The following SCNM1 variants were observed in gnomAD, a reference collection of about 807,000 sequenced individuals.
The protein encoded by SCNM1 is sodium channel modifier 1.
In SCNM1, 24 loss-of-function variants were observed where a neutral mutation model predicts 32.8. That is an observed-to-expected ratio of 0.73 (90% CI 0.53 to 1.03). The LOEUF (loss-of-function observed/expected upper bound fraction) is 1.03. SCNM1 is among the 50% of genes least tolerant of loss of function. The pLI is 0.00. For synonymous variants in SCNM1, 99 were observed against 103.2 expected (o/e 0.96, Z 0.25); for missense variants, 274 against 282.3 (o/e 0.97, Z 0.21).
intron 2 of SCNM1, 144 bp from the exon 3 acceptor site, chr1:151,166,790 C>A (rs1683725874): frequency 7.5e-7 from 1 of 1,334,290 alleles, no homozygotes. Context: ...TCTTTGGCGG[C>A]CAGTGAGGAC....
Position 151,166,928 on chromosome 1 carries a change from G to A in SCNM1, c.123-6G>A. The A allele has an allele frequency of 6.2e-7, 1 of 1,614,006 alleles. No individual in the cohort carries two copies. Among genetic ancestry groups the A allele is most frequent in the Non-Finnish European group, 8.5e-7 (1 of 1,180,000 alleles). ...ACCACTTATCCTCTTCTCTACCCCTGCTCAGCTTTGCTTGTGCCATCTGCC... is the reference window on the plus strand; with the variant it reads ...ACCACTTATCCTCTTCTCTACCCCTACTCAGCTTTGCTTGTGCCATCTGCC... On this transcript the variant is annotated splice_polypyrimidine_tract_variant and splice_region_variant and intron_variant, in intron 2 of 6. Coordinates refer to ENST00000368905, the MANE Select transcript of SCNM1 (RefSeq NM_024041.4).
At position 151,166,182 on chromosome 1, in the gene SCNM1, G is replaced by A. The variant is rs760321684; in HGVS notation, c.30G>A (p.Trp10Ter). The A allele has an allele frequency of 3.7e-6, 6 of 1,605,790 alleles. No homozygotes were observed. Among genetic ancestry groups the A allele is most frequent in the South Asian group, 1.1e-5 (1 of 89,528 alleles). Reference protein sequence around the residue: MSFKREGDDWSQLNVLKKRR... With the variant: MSFKREGDD ...CTTTCAAGAGGGAAGGAGACGATTG[G>A]AGTCAACTCAATGTGCTCAAAGTAA... Residue 10 changes from tryptophan (W) to a stop codon, truncating the protein, a stop_gained, in exon 1 of 7, where the codon TGG becomes TGA. Transcript: ENST00000368905. LOFTEE classifies it high-confidence loss of function.
chr1:151,166,724 A>G, intron 2 of SCNM1, 183 bp downstream of exon 2: 1 of 1,239,012 alleles, frequency 8.1e-7, no homozygotes. Flanking sequence ...GCATGCCACC[A>G]CGCCTGGCTT....
At chr1:151,168,533 C>T (rs960211754) in intron 6 of SCNM1, among the ~76,000 whole-genome samples, 195 bp downstream of exon 6, 11 of 152,108 alleles carry the variant, frequency 7.2e-5, no homozygotes, top group African/African-American at 1.9e-4. Context: ...CTCAGGCTCC[C>T]GAGTAGCTGG....
chr1:151,168,003 T>C (rs1048518980), intron 5 of SCNM1, 141 bp from the exon 6 acceptor site: 4 of 985,312 alleles, frequency 4.1e-6, no homozygotes, highest in Middle Eastern at 3.6e-4. Context: ...CCCAAATTCA[T>C]GATTCTGAAA....
rs1683754294 is a variant in SCNM1 at position 151,167,341 on chromosome 1, C to T, written c.325C>T (p.Gln109Ter). The change falls in exon 5 of 7, where the codon CAG (glutamine) becomes TAG (stop). Residue 109 changes from glutamine to a stop codon, truncating the protein, a stop_gained. Coordinates refer to ENST00000368905, the MANE Select transcript of SCNM1 (RefSeq NM_024041.4). LOFTEE classifies it high-confidence loss of function. ...ETKAEAPLLTQTRLITQSALH... is the reference protein window; with the variant it reads ...ETKAEAPLLT ...TCCTTACCAGGCTCCTCTGCTAACT[C>T]AGACACGACTTATCACCCAGAGTGC... The T allele has an allele frequency of 3.7e-6, 6 of 1,614,136 alleles. No homozygotes were observed. The highest frequency in any genetic ancestry group is 5.1e-6 in the Non-Finnish European group (6 of 1,180,024).
At chr1:151,168,018 T>C in intron 5 of SCNM1, 126 bp from the exon 6 acceptor site, 1 of 1,083,132 alleles carries the variant, frequency 9.2e-7, no homozygotes, top group Non-Finnish European at 1.3e-6. Flanking sequence ...CTGAAATCCT[T>C]TGTATGCAGA....
intron 5 of SCNM1, chr1:151,167,709 G>A (rs749365524): frequency 1.0e-5 from 4 of 396,438 alleles, no homozygotes; most frequent in Non-Finnish European, 1.9e-5. Context: ...GTGTGTGCCT[G>A]TAATCCCAGC....
chr1:151,168,619 G>C (rs1210687481), intron 6 of SCNM1, among the ~76,000 whole-genome samples: 2 of 151,894 alleles, frequency 1.3e-5, no homozygotes, highest in Non-Finnish European at 2.9e-5. Context: ...TGTTGGTCAG[G>C]CTGGCCTCGA....
At position 151,167,000 on chromosome 1, in the gene SCNM1, T is replaced by G; in HGVS notation, c.189T>G (p.Arg63=). The stretch of plus-strand genomic sequence containing the variant: ...CCCTGGCCATGCTGACTGCCCACCG[T>G]GCAGGCAAGAAACATCTGTCCAGTA... The part of the protein sequence containing the change: ...LDTLAMLTAH[R]AGKKHLSSLQ... Residue 63 remains arginine, a synonymous_variant, in exon 3 of 7, where the codon CGT becomes CGG. Coordinates refer to ENST00000368905, the MANE Select transcript of SCNM1 (RefSeq NM_024041.4). 1 of 1,614,120 alleles carries G rather than the reference T, an allele frequency of 6.2e-7. No individual in the cohort carries two copies. The highest frequency in any genetic ancestry group is 8.5e-7 in the Non-Finnish European group (1 of 1,180,034).
chr1:151,168,049 A>G, intron 5 of SCNM1, 95 bp from the exon 6 acceptor site: 1 of 1,306,340 alleles, frequency 7.7e-7, no homozygotes, highest in Non-Finnish European at 1.0e-6. Flanking sequence ...ATCTTGAGAA[A>G]TATAGTTTAA....
chr1:151,168,009 T>C, intron 5 of SCNM1, 135 bp from the exon 6 acceptor site: 3 of 1,030,270 alleles, frequency 2.9e-6, no homozygotes, highest in Non-Finnish European at 4.0e-6. Context: ...TTCATGATTC[T>C]GAAATCCTTT....
intron 1 of SCNM1, 89 bp from the exon 2 acceptor site, chr1:151,166,382 C>G (rs1422685572): frequency 6.4e-7 from 1 of 1,574,274 alleles, no homozygotes; most frequent in African/African-American, 1.4e-5. Flanking sequence ...GTCCTTATTC[C>G]ATTTCACTCC....
In SCNM1 at chr1:151,170,025, A is replaced by G. The variant is rs767593974; in HGVS notation, c.*940A>G. 3.1e-6 allele frequency: 5 copies of G among 1,599,688 alleles called. No individual in the cohort carries two copies. Among genetic ancestry groups the G allele is most frequent in the Non-Finnish European group, 4.3e-6 (5 of 1,167,080 alleles). ...TTTTATTTACAGGAAAGGAGGACAG[A>G]TGAGGATTTAAGTGTCCAGTGCTCC... On this transcript the variant is annotated 3_prime_UTR_variant, in exon 7 of 7. Coordinates refer to ENST00000368905, the MANE Select transcript of SCNM1 (RefSeq NM_024041.4).
At chr1:151,168,429 A>T (rs1683810551) in intron 6 of SCNM1, 91 bp downstream of exon 6, 1 of 1,420,450 alleles carries the variant, frequency 7.0e-7, no homozygotes. Flanking sequence ...TTTTTTTGAG[A>T]TGGAGTTTCA....
chr1:151,169,208 C>A lies in SCNM1; in HGVS notation c.*123C>A. The A allele has an allele frequency of 9.5e-7, 1 of 1,054,326 alleles. No homozygotes were observed. Among genetic ancestry groups the A allele is most frequent in the Non-Finnish European group, 1.4e-6 (1 of 723,070 alleles). 65.3% of individuals were successfully genotyped at this position (1,054,326 alleles called of 1,614,324 possible). ...CTGTTCATTCTCATTCCAACTACTCCTTGCCTGCAAGGTACACAGCTCTCC... is the reference window on the plus strand; with the variant it reads ...CTGTTCATTCTCATTCCAACTACTCATTGCCTGCAAGGTACACAGCTCTCC... On this transcript the variant is annotated 3_prime_UTR_variant, in exon 7 of 7. Transcript: ENST00000368905.
intron 5 of SCNM1, 51 bp from the exon 6 acceptor site, chr1:151,168,091 GGA>G (rs1283072016): frequency 1.5e-5 from 23 of 1,519,642 alleles, no homozygotes; most frequent in Non-Finnish European, 2.0e-5. Flanking sequence ...GGGAGTCATA[GGA>G]GAGTTGGCCC....
At position 151,169,219 on chromosome 1, in the gene SCNM1, G is replaced by GGAGTAGTT; in HGVS notation, c.*135_*136insAGTAGTTG. ...CATTCCAACTACTCCTTGCCTGCAA[G>GGAGTAGTT]GTACACAGCTCTCCACACTCCTTTT... On this transcript the variant is annotated 3_prime_UTR_variant, in exon 7 of 7. Coordinates refer to ENST00000368905, the MANE Select transcript of SCNM1 (RefSeq NM_024041.4). The GGAGTAGTT allele has an allele frequency of 1.2e-6, 1 of 814,126 alleles. No individual in the cohort carries two copies. Among genetic ancestry groups the GGAGTAGTT allele is most frequent in the Non-Finnish European group, 1.9e-6 (1 of 532,764 alleles). 50.4% of individuals were successfully genotyped at this position (814,126 alleles called of 1,614,324 possible).
At position 151,169,015 on chromosome 1, in the gene SCNM1, G is replaced by C; in HGVS notation, c.623G>C (p.Arg208Pro). 3.1e-6 allele frequency: 5 copies of C among 1,613,828 alleles called. No individual in the cohort carries two copies. The highest frequency in any genetic ancestry group is 3.4e-6 in the Non-Finnish European group (4 of 1,179,972). The part of the protein sequence containing the change: ...SSGWIPDGRG[R>P]WVKDENVEFD... ...GGATGGATCCCAGATGGACGAGGTC[G>C]ATGGGTAAAAGATGAAAATGTTGAG... The change falls in exon 7 of 7, where the codon CGA (arginine) becomes CCA (proline). Residue 208 changes from arginine to proline, a missense_variant. Transcript: ENST00000368905.
Sources: gnomAD v4.1 joint callset for allele counts (sites outside exome capture counted in the v4.1 genomes callset) on GRCh38, gnomAD v4.1.1 for gene constraint, MANE v1.5 for transcripts, NCBI Gene and HGNC (gene_info 2026-07-23, HGNC 2026-07-21) for gene names.